Variants in PYY observed in about 807,000 individuals in gnomAD.
The protein encoded by PYY is peptide tyrosine tyrosine.
A neutral mutation model predicts 10.3 loss-of-function variants in PYY; 12 were observed. The ratio of observed to expected loss-of-function variants is 1.17; its 90% CI spans 0.75 to 1.89. The LOEUF (loss-of-function observed/expected upper bound fraction) is 1.89, where lower values mean the gene tolerates loss of function less well. Ranked by LOEUF, PYY falls within the 40% of genes most tolerant of loss-of-function variation. PYY has a pLI of 0.00. For synonymous variants in PYY, 66 were observed against 62.0 expected, an observed-to-expected ratio of 1.06 and a Z score of -0.30; for missense variants, 141 against 134.0, an observed-to-expected ratio of 1.05 and a Z score of -0.26.
chr17:43,977,181 A>G (rs1487934255), intron 1 of PYY, among the ~76,000 whole-genome samples: 1 of 152,034 alleles, frequency 6.6e-6, no homozygotes, highest in African/African-American at 2.4e-5. Flanking sequence ...CGGGGCAGGG[A>G]GAGGGAGGGG....
At chr17:43,954,189 C>G (rs1405523572), upstream of PYY, among the ~76,000 whole-genome samples, 1 of 152,182 alleles carries the variant, frequency 6.6e-6, no homozygotes, top group Non-Finnish European at 1.5e-5. Context: ...CACCCCACAG[C>G]CCCCCAGTGG....
upstream of PYY, among the ~76,000 whole-genome samples, chr17:43,957,062 G>A (rs564135200): frequency 3.1e-4 from 47 of 152,118 alleles, no homozygotes; most frequent in East Asian, 5.6e-3. Flanking sequence ...GCCAAGCGTC[G>A]TGGCGCATGC....
At chr17:43,982,731 T>C (rs2048891520) in intron 1 of PYY, among the ~76,000 whole-genome samples, 1 of 152,220 alleles carries the variant, frequency 6.6e-6, no homozygotes, top group Non-Finnish European at 1.5e-5. Context: ...TGGGTCAGGC[T>C]GGATTCTGTG....
At chr17:43,965,200 G>A (rs903981930) in intron 2 of PYY, among the ~76,000 whole-genome samples, 13 of 151,696 alleles carry the variant, frequency 8.6e-5, no homozygotes, top group East Asian at 1.9e-4. Context: ...TGTATATATG[G>A]CCAGGCATAG....
At chr17:43,991,033 T>C (rs367661913) in intron 1 of PYY, among the ~76,000 whole-genome samples, 30 of 151,798 alleles carry the variant, frequency 2.0e-4, no homozygotes, top group African/African-American at 7.0e-4. Flanking sequence ...TCCGCCCGCC[T>C]CGGCCTCCCA....
chr17:43,976,967 C>A (rs1172228986), intron 1 of PYY, among the ~76,000 whole-genome samples: 1 of 152,132 alleles, frequency 6.6e-6, no homozygotes, highest in Non-Finnish European at 1.5e-5. Flanking sequence ...TCTTCTTGCT[C>A]ATGTCTCTGC....
intron 1 of PYY, among the ~76,000 whole-genome samples, chr17:43,994,341 C>T (rs939968770): frequency 2.0e-4 from 31 of 152,220 alleles, no homozygotes; most frequent in African/African-American, 6.7e-4. Context: ...CCTTAACCTA[C>T]ACCCCACCCC....
intron 1 of PYY, among the ~76,000 whole-genome samples, chr17:44,000,349 C>T (rs2049017718): frequency 6.6e-6 from 1 of 152,016 alleles, no homozygotes; most frequent in Non-Finnish European, 1.5e-5. Context: ...CCTGTGTCTG[C>T]CTTTGGTTGG....
At chr17:43,999,088 G>C (rs1401362756) in intron 1 of PYY, among the ~76,000 whole-genome samples, 1 of 152,270 alleles carries the variant, frequency 6.6e-6, no homozygotes, top group East Asian at 1.9e-4. Context: ...GAAGACAGCA[G>C]GAGAAAGAGG....
At chr17:43,991,367 G>A (rs544237550) in intron 1 of PYY, among the ~76,000 whole-genome samples, 2 of 152,074 alleles carry the variant, frequency 1.3e-5, no homozygotes, top group South Asian at 2.1e-4. Context: ...GGAGGGAGAG[G>A]TTGCAGTGAG....
chr17:43,965,841 AT>A lies in PYY; in HGVS notation c.-218+446del, dbSNP rs752643466. On this transcript the variant is annotated intron_variant, in intron 2 of 6. Transcript: ENST00000360085. ...AAGAGAGAGAAACAAGTAAAATTAT[AT>A]TTTTTTCTAGCCATTGTAAGTACAA... 2.6e-3 allele frequency among the ~76,000 whole-genome samples: 378 copies of A among 144,118 alleles called. 1 individual carries two copies. The highest frequency in any genetic ancestry group is 7.9e-3 in the African/African-American group (316 of 39,972). The allele number at this position is 144,118 out of a possible 152,430, so 94.5% of individuals were successfully genotyped here. A position where few individuals can be genotyped will look rare whatever the true frequency, so the allele number is the denominator to read the frequency against.
chr17:43,971,011 A>G (rs2048789040), intron 1 of PYY, among the ~76,000 whole-genome samples: 1 of 152,224 alleles, frequency 6.6e-6, no homozygotes, highest in African/African-American at 2.4e-5. Flanking sequence ...TCAACTATGA[A>G]TAAAGCGGCT....
intron 1 of PYY, among the ~76,000 whole-genome samples, chr17:43,986,544 TC>T (rs965517737): frequency 6.6e-6 from 1 of 152,194 alleles, no homozygotes; most frequent in Non-Finnish European, 1.5e-5. Flanking sequence ...GAACTGAAAT[TC>T]CAGCTCTACA....
chr17:43,973,686 T>C (rs1459043141), intron 1 of PYY, among the ~76,000 whole-genome samples: 5 of 152,022 alleles, frequency 3.3e-5, no homozygotes, highest in Admixed American at 2.0e-4. Flanking sequence ...TCCCAGCTGT[T>C]TGGGAGGCTG....
At position 43,975,725 on chromosome 17, in the gene PYY, A is replaced by AAT. The variant is rs745420304; in HGVS notation, c.-462-9195_-462-9194dup. Among the ~76,000 whole-genome samples, 380 of 83,740 alleles carry AAT rather than the reference A, an allele frequency of 4.5e-3. 63 individuals carry two copies. The highest frequency in any genetic ancestry group is 5.8e-3 in the Non-Finnish European group (290 of 50,228). The allele number at this position is 83,740 out of a possible 152,430, so 54.9% of individuals were successfully genotyped here. The stretch of plus-strand genomic sequence containing the variant: ...CAGGAGTAAGACCCTGAAAAAAAAA[A>AAT]ATATATATATATATATATATACACA... On this transcript the variant is annotated intron_variant, in intron 1 of 6. Coordinates refer to the PYY transcript ENST00000360085.
At chr17:43,956,626 G>A (rs1348891658), upstream of PYY, among the ~76,000 whole-genome samples, 1 of 152,070 alleles carries the variant, frequency 6.6e-6, no homozygotes, top group Non-Finnish European at 1.5e-5. Flanking sequence ...AGAGCACCTG[G>A]CAAGGCCACC....
chr17:43,997,929 T>C (rs1478966537), intron 1 of PYY, among the ~76,000 whole-genome samples: 1 of 151,746 alleles, frequency 6.6e-6, no homozygotes, highest in Non-Finnish European at 1.5e-5. Context: ...AGAATGACCA[T>C]AGATTGGTTT....
chr17:43,976,282 C>CAT (rs1491439269), intron 1 of PYY, among the ~76,000 whole-genome samples: 5 of 99,354 alleles, frequency 5.0e-5, no homozygotes, highest in African/African-American at 2.6e-4. Flanking sequence ...CGTATATATA[C>CAT]GCATATGTAT....
chr17:43,958,987 C>A (rs1199319136), intron 2 of PYY, among the ~76,000 whole-genome samples: 1 of 152,118 alleles, frequency 6.6e-6, no homozygotes, highest in Non-Finnish European at 1.5e-5. Context: ...GAAAGATAAA[C>A]CATTAAGGGA....
Sources: allele counts gnomAD v4.1 joint callset (sites outside exome capture counted in the v4.1 genomes callset), GRCh38; gene constraint gnomAD v4.1.1; transcripts MANE v1.5; gene names NCBI Gene and HGNC (gene_info 2026-07-23, HGNC 2026-07-21).